TENM4: variants seen among roughly 807,000 people sequenced by gnomAD.
TENM4 encodes the protein teneurin-4.
In TENM4, 82 loss-of-function variants were observed where a neutral mutation model predicts 243.3. The ratio of observed to expected loss-of-function variants is 0.34; its 90% CI spans 0.28 to 0.40. TENM4 has a LOEUF of 0.40. Ranked by LOEUF, TENM4 falls within the 10% of genes least tolerant of loss-of-function variation. The pLI, the probability that TENM4 is intolerant of heterozygous loss-of-function variation, is 1.00. For synonymous variants in TENM4, 1,412 were observed against 1,456.3 expected (o/e 0.97, Z 0.69); for missense variants, 3,138 against 3,673.3 (o/e 0.85, Z 3.77).
At chr11:79,007,559 T>C (rs1435326872) in intron 6 of TENM4, among the ~76,000 whole-genome samples, 1 of 152,088 alleles carries the variant, frequency 6.6e-6, no homozygotes, top group African/African-American at 2.4e-5. Context: ...GTCTGGTCGT[T>C]GCTAAGAGGC....
intron 6 of TENM4, among the ~76,000 whole-genome samples, chr11:78,983,081 G>A (rs1466144492): frequency 6.6e-6 from 1 of 152,184 alleles, no homozygotes; most frequent in African/African-American, 2.4e-5. Flanking sequence ...ATCTTTTCTT[G>A]AAGGCTCAGT....
chr11:78,782,912 T>G (rs1856867098), intron 16 of TENM4, among the ~76,000 whole-genome samples: 1 of 152,186 alleles, frequency 6.6e-6, no homozygotes, highest in Non-Finnish European at 1.5e-5. Context: ...CAGAGGAAGC[T>G]TTTGTTTAAA....
At position 78,669,952 on chromosome 11, in the gene TENM4, G is replaced by A; in HGVS notation, c.6393C>T (p.Asn2131=). The A allele has an allele frequency of 6.2e-7, 1 of 1,613,776 alleles. No homozygotes were observed. The change falls in exon 32 of 34, where the codon AAC becomes AAT. Residue 2131 remains asparagine (N), a synonymous_variant. Coordinates refer to ENST00000278550, the MANE Select transcript of TENM4 (RefSeq NM_001098816.3). This position sits in a 1 kb window ranked among gnomAD's most constrained non-coding sequence, Gnocchi z 6.4. ...TCATGACAGCTGTGGTGATGATCTGGTTAATGTCATAGTAAATGACACCAA... is the reference window on the plus strand; with the variant it reads ...TCATGACAGCTGTGGTGATGATCTGATTAATGTCATAGTAAATGACACCAA... ...GKFGVIYYDI[N]QIITTAVMTH... is the part of the protein sequence containing the mutation.
chr11:79,228,194 TG>T (rs1306394413), intron 2 of TENM4, among the ~76,000 whole-genome samples: 5 of 152,190 alleles, frequency 3.3e-5, no homozygotes, highest in Non-Finnish European at 7.3e-5. Flanking sequence ...AAGCTCTCCA[TG>T]GAGCAGGCCC....
intron 1 of TENM4, among the ~76,000 whole-genome samples, chr11:79,434,162 C>A (rs1443298979): frequency 6.6e-6 from 1 of 152,180 alleles, no homozygotes; most frequent in Non-Finnish European, 1.5e-5. Context: ...TTGAACCATG[C>A]AAAGAGGGGA....
intron 1 of TENM4, among the ~76,000 whole-genome samples, chr11:79,437,742 C>T (rs547930235): frequency 3.3e-5 from 5 of 152,262 alleles, no homozygotes; most frequent in East Asian, 3.9e-4. Context: ...CGCGGAGTCC[C>T]GTCCCCTCCC....
intron 4 of TENM4, among the ~76,000 whole-genome samples, chr11:79,135,542 C>T (rs993977609): frequency 6.6e-6 from 1 of 151,918 alleles, no homozygotes; most frequent in South Asian, 2.1e-4. Flanking sequence ...AAAAAAGATA[C>T]TTGCACATGC....
At chr11:79,419,220 A>G (rs1858880443) in intron 1 of TENM4, among the ~76,000 whole-genome samples, 1 of 152,216 alleles carries the variant, frequency 6.6e-6, no homozygotes, top group South Asian at 2.1e-4. Context: ...AACCACTCCC[A>G]GCAAGTCATG....
chr11:78,820,548 G>A (rs1857703692), intron 12 of TENM4, among the ~76,000 whole-genome samples: 1 of 152,328 alleles, frequency 6.6e-6, no homozygotes, highest in East Asian at 1.9e-4. Context: ...CATGTAAAGA[G>A]GTTGGCCCAG....
At chr11:79,300,272 C>T (rs1268788473) in intron 1 of TENM4, among the ~76,000 whole-genome samples, 1 of 152,216 alleles carries the variant, frequency 6.6e-6, no homozygotes, top group Non-Finnish European at 1.5e-5. Flanking sequence ...ACACAGACAT[C>T]CACACAATGT....
intron 6 of TENM4, among the ~76,000 whole-genome samples, chr11:79,056,110 A>T (rs1437626433): frequency 6.6e-6 from 1 of 152,190 alleles, no homozygotes; most frequent in Non-Finnish European, 1.5e-5. Flanking sequence ...TCTTGGACAA[A>T]GCTGAGCTTA....
intron 1 of TENM4, among the ~76,000 whole-genome samples, chr11:79,351,112 C>T (rs769899791): frequency 7.2e-5 from 11 of 152,150 alleles, no homozygotes; most frequent in East Asian, 1.9e-4. Flanking sequence ...ATGCTTTTCC[C>T]GCAGGTATTT....
At chr11:78,667,320 A>G (rs1355199957) in intron 32 of TENM4, among the ~76,000 whole-genome samples, 2 of 152,122 alleles carry the variant, frequency 1.3e-5, no homozygotes, top group African/African-American at 2.4e-5. Context: ...CTTCTTGAAA[A>G]AGGAATTCTT....
intron 3 of TENM4, among the ~76,000 whole-genome samples, chr11:79,151,123 A>G (rs1426220788): frequency 6.6e-6 from 1 of 152,084 alleles, no homozygotes; most frequent in Non-Finnish European, 1.5e-5. Flanking sequence ...CCATTCTTCC[A>G]CGATGTCATG....
At position 79,321,002 on chromosome 11, in the gene TENM4, C is replaced by T. The variant is rs377683398; in HGVS notation, c.-320-23459G>A. 1.1e-3 allele frequency among the ~76,000 whole-genome samples: 160 copies of T among 152,238 alleles called. 5 individuals are homozygous for T. In the South Asian group the frequency reaches 0.028, roughly 27 times the overall value. On this transcript the variant is annotated intron_variant, in intron 1 of 33. Transcript: ENST00000278550. ...ATCCCTGATTCACAGCTGAGGAAAC[C>T]GAGGTTTGGAGAAGGTAAGAGATGT... is the stretch of plus-strand genomic sequence containing the variant.
chr11:79,108,507 G>GTATA (rs144188671), intron 4 of TENM4, among the ~76,000 whole-genome samples: 6 of 150,942 alleles, frequency 4.0e-5, no homozygotes, highest in African/African-American at 7.3e-5. Flanking sequence ...GTGTGTGTGT[G>GTATA]TATATATATA....
chr11:79,223,283 C>T (rs1161045898), intron 2 of TENM4, among the ~76,000 whole-genome samples: 2 of 152,216 alleles, frequency 1.3e-5, no homozygotes, highest in African/African-American at 2.4e-5. Flanking sequence ...GCCACAAGTG[C>T]TAAAAAGCAG....
chr11:79,118,435 G>T (rs140489784), intron 4 of TENM4, among the ~76,000 whole-genome samples: 25 of 152,258 alleles, frequency 1.6e-4, no homozygotes, highest in African/African-American at 5.3e-4. Flanking sequence ...CCCTTTTCAA[G>T]TCTATACTTC....
intron 2 of TENM4, among the ~76,000 whole-genome samples, chr11:79,272,000 C>T (rs922409949): frequency 3.3e-5 from 5 of 152,034 alleles, no homozygotes; most frequent in African/African-American, 1.2e-4. Flanking sequence ...CTGTAACAAC[C>T]CTAGGAGGTA....
Sources: gnomAD v4.1 joint callset for allele counts (sites outside exome capture counted in the v4.1 genomes callset) on GRCh38, gnomAD v4.1.1 for gene constraint, Gnocchi (gnomAD v3.1) non-coding constraint, MANE v1.5 for transcripts, NCBI Gene and HGNC (gene_info 2026-07-23, HGNC 2026-07-21) for gene names.